The following ABL2 variants were observed in gnomAD, a reference collection of about 807,000 sequenced individuals.
The protein encoded by ABL2 is ABL proto-oncogene 2, non-receptor tyrosine kinase.
ABL2 carries 49 observed loss-of-function variants against 107.7 expected under a neutral mutation model. The observed-to-expected ratio is 0.45, with a 90% CI of 0.36 to 0.58. The LOEUF is 0.58. Ranked by LOEUF, ABL2 falls within the 20% of genes least tolerant of loss-of-function variation. The pLI is 0.00. For missense variants in ABL2, 1,245 were observed against 1,457.0 expected, an observed-to-expected ratio of 0.85 and a Z score of 2.37; for synonymous variants, 549 against 548.6, an observed-to-expected ratio of 1.00 and a Z score of -0.01.
At chr1:179,176,396 C>T (rs965847785) in intron 1 of ABL2, among the ~76,000 whole-genome samples, 4 of 152,028 alleles carry the variant, frequency 2.6e-5, no homozygotes, top group African/African-American at 9.7e-5. Context: ...ACCCCATTTT[C>T]CCAATGTTTA....
At chr1:179,186,107 T>C (rs1660670814) in intron 1 of ABL2, among the ~76,000 whole-genome samples, 1 of 151,904 alleles carries the variant, frequency 6.6e-6, no homozygotes, top group African/African-American at 2.4e-5. Flanking sequence ...TTGCTGGGTA[T>C]GGTGGGGCGT....
chr1:179,212,124 G>T (rs1362371840), intron 1 of ABL2, among the ~76,000 whole-genome samples: 1 of 152,154 alleles, frequency 6.6e-6, no homozygotes. Flanking sequence ...AAGTGAAGGG[G>T]AAAGCCCCTT....
In ABL2 at chr1:179,109,193, C is replaced by G. The variant is rs747939022; in HGVS notation, c.2074G>C (p.Val692Leu). The change falls in exon 12 of 12, where the codon GTT (valine) becomes CTT (leucine). Residue 692 changes from valine (V) to leucine (L), a missense_variant. Val to Leu is a conservative substitution (Grantham distance 32). Coordinates refer to ENST00000502732, the MANE Select transcript of ABL2 (RefSeq NM_007314.4). The stretch of plus-strand genomic sequence containing the variant: ...CCATCAGCATGCTGTAGAGAAGCAA[C>G]AGATGAGAAGTTACCCGTGAGTTCG... Reference protein sequence around the residue: ...KYELTGNFSSVASLQHADGFS... With the variant: ...KYELTGNFSSLASLQHADGFS... The G allele has an allele frequency of 4.3e-6, 7 of 1,613,896 alleles. No individual in the cohort carries two copies. Among genetic ancestry groups the G allele is most frequent in the Non-Finnish European group, 5.9e-6 (7 of 1,180,026 alleles).
At chr1:179,118,384 G>C (rs1387781053) in intron 7 of ABL2, among the ~76,000 whole-genome samples, 2 of 152,146 alleles carry the variant, frequency 1.3e-5, no homozygotes, top group Non-Finnish European at 2.9e-5. Flanking sequence ...TCAGGTTTGA[G>C]AATAGCAAAG....
At chr1:179,214,280 C>G (rs1024362693) in intron 1 of ABL2, among the ~76,000 whole-genome samples, 1 of 151,766 alleles carries the variant, frequency 6.6e-6, no homozygotes, top group Non-Finnish European at 1.5e-5. Context: ...ATCAATTCAC[C>G]CCCAAATTAA....
Position 179,114,986 on chromosome 1 carries a change from G to A in ABL2, c.1453C>T (p.Pro485Ser). Residue 485 changes from proline to serine, a missense_variant, in exon 9 of 12, where the codon CCA becomes TCA. Physicochemically the swap from Pro to Ser is moderately conservative, Grantham distance 74. Around this residue, in one of 3 missense-constraint regions of ABL2, gnomAD observed 320 missense variants for 547.0 expected, o/e 0.59. Coordinates refer to ENST00000502732, the MANE Select transcript of ABL2 (RefSeq NM_007314.4). ...TGAGACAGGTCAATACCTGGATATG[G>A]TGACATTCCATAGGTAGCAATTTCC... ...LWEIATYGMS[P>S]YPGIDLSQVY... The A allele has an allele frequency of 6.2e-7, 1 of 1,608,558 alleles. No individual in the cohort carries two copies. Among genetic ancestry groups the A allele is most frequent in the Non-Finnish European group, 8.5e-7 (1 of 1,177,864 alleles).
intron 2 of ABL2, 83 bp downstream of exon 2, chr1:179,133,229 A>C: frequency 1.3e-6 from 2 of 1,584,274 alleles, no homozygotes; most frequent in African/African-American, 1.4e-5. Flanking sequence ...TTGTGGTTCC[A>C]TTTATTTTCA....
chr1:179,127,697 C>A (rs1434368042), intron 3 of ABL2, among the ~76,000 whole-genome samples: 1 of 152,114 alleles, frequency 6.6e-6, no homozygotes, highest in Non-Finnish European at 1.5e-5. Context: ...ACATCTACTT[C>A]TTCAGTGTCA....
chr1:179,126,758 A>T lies in ABL2; in HGVS notation c.392-86T>A, dbSNP rs535193931. ...CAGTGTACTGTCAAACTTTAAACTCATTAAAAAAAAAAAAGAATCTAGAAC... is the reference window on the plus strand; with the variant it reads ...CAGTGTACTGTCAAACTTTAAACTCTTTAAAAAAAAAAAAGAATCTAGAAC... On this transcript the variant is annotated intron_variant, in intron 3 of 11. Transcript: ENST00000502732. This position sits in a 1 kb window ranked among gnomAD's most constrained non-coding sequence, Gnocchi z 4.4. 5 of 1,232,842 alleles carry T rather than the reference A, an allele frequency of 4.1e-6. No individual in the cohort carries two copies. In the East Asian group the frequency reaches 1.0e-4, roughly 25 times the overall value. The allele number at this position is 1,232,842 out of a possible 1,614,324, so 76.4% of individuals were successfully genotyped here.
chr1:179,108,343 G>C lies in ABL2; in HGVS notation c.2924C>G (p.Pro975Arg), dbSNP rs746054653. 1.9e-6 allele frequency: 3 copies of C among 1,614,214 alleles called. No individual in the cohort carries two copies. Among genetic ancestry groups the C allele is most frequent in the Non-Finnish European group, 2.5e-6 (3 of 1,180,032 alleles). The change falls in exon 12 of 12, where the codon CCC becomes CGC. Residue 975 changes from proline to arginine, a missense_variant. By Grantham distance (103) the Pro-to-Arg change is moderately radical. Around this residue, in one of 3 missense-constraint regions of ABL2, gnomAD observed 761 missense variants for 766.4 expected, o/e 0.99. Transcript: ENST00000502732. ...GGCACACTTTGGTTTTACCCGTCGGGGTCGGTCCTTGTCTCCAGAGGATGT... is the reference window on the plus strand; with the variant it reads ...GGCACACTTTGGTTTTACCCGTCGGCGTCGGTCCTTGTCTCCAGAGGATGT... ...QVTSSGDKDR[P>R]RRVKPKCAPP...
intron 1 of ABL2, 29 bp downstream of exon 1, chr1:179,229,212 C>CCCCCCCCCCCT (rs1363932921): frequency 1.3e-6 from 2 of 1,497,352 alleles, no homozygotes; most frequent in South Asian, 1.3e-5. Flanking sequence ...CTCCCCCACG[C>CCCCCCCCCCCT]TCTCATGCCG....
intron 2 of ABL2, among the ~76,000 whole-genome samples, chr1:179,131,919 T>C (rs1245144673): frequency 6.6e-6 from 1 of 152,250 alleles, no homozygotes; most frequent in East Asian, 1.9e-4. Context: ...ACTACCCTTA[T>C]TCCTTTCTCT....
chr1:179,229,207 C>CCCCCCCCCCCCCCCCAACCCA, intron 1 of ABL2, 34 bp downstream of exon 1: 1 of 1,485,454 alleles, frequency 6.7e-7, no homozygotes, highest in Non-Finnish European at 9.0e-7. Flanking sequence ...CCGGCCTCCC[C>CCCCCCCCCCCCCCCCAACCCA]CACGCTCTCA....
intron 1 of ABL2, among the ~76,000 whole-genome samples, chr1:179,173,886 A>G (rs1180566544): frequency 6.6e-6 from 1 of 152,308 alleles, no homozygotes; most frequent in African/African-American, 2.4e-5. Flanking sequence ...CACTGACTGG[A>G]TGTGACTATA....
At chr1:179,214,969 G>A (rs1280868926) in intron 1 of ABL2, among the ~76,000 whole-genome samples, 1 of 152,094 alleles carries the variant, frequency 6.6e-6, no homozygotes, top group Non-Finnish European at 1.5e-5. Context: ...AGACCAGACT[G>A]GCTAACATGG....
intron 4 of ABL2, among the ~76,000 whole-genome samples, chr1:179,124,515 C>G (rs948544180): frequency 7.0e-6 from 1 of 143,356 alleles, no homozygotes. Flanking sequence ...GTTGCCCAGG[C>G]TGGAGTGCAG....
intron 1 of ABL2, among the ~76,000 whole-genome samples, chr1:179,176,457 C>A (rs913806657): frequency 6.6e-6 from 1 of 151,854 alleles, no homozygotes; most frequent in Non-Finnish European, 1.5e-5. Flanking sequence ...ATCCTATATA[C>A]CCCATAAATA....
intron 9 of ABL2, among the ~76,000 whole-genome samples, chr1:179,112,756 A>ATT (rs747910142): frequency 2.2e-5 from 3 of 134,632 alleles, no homozygotes; most frequent in Admixed American, 7.4e-5. Context: ...CGCCCAGCTA[A>ATT]TTTTTTTTTT....
rs981268409 is a variant in ABL2, at chr1:179,102,894, C to T, written c.*4824G>A. On this transcript the variant is annotated 3_prime_UTR_variant, in exon 12 of 12. Transcript: ENST00000502732. ...ATGTCATTTATAACTGGTAGGAAATCCTAGAAAAGTAATTCCCAAAGTGCA... is the reference window on the plus strand; with the variant it reads ...ATGTCATTTATAACTGGTAGGAAATTCTAGAAAAGTAATTCCCAAAGTGCA... 13 of 226,396 alleles carry T rather than the reference C, an allele frequency of 5.7e-5. No homozygotes were observed. The East Asian group carries it at 8.3e-4, about 14-fold the overall frequency. The allele number at this position is 226,396 out of a possible 1,614,324, so 14.0% of individuals were successfully genotyped here.
Sources: allele counts gnomAD v4.1 joint callset (sites outside exome capture counted in the v4.1 genomes callset), GRCh38; gene constraint gnomAD v4.1.1; regional missense constraint gnomAD v4.1.1; non-coding constraint Gnocchi (gnomAD v3.1); transcripts MANE v1.5; gene names NCBI Gene and HGNC (gene_info 2026-07-23, HGNC 2026-07-21).